The following SCFD2 variants were observed in gnomAD, a reference collection of about 807,000 sequenced individuals.
SCFD2 encodes the protein sec1 family domain-containing protein 2.
In SCFD2, 54 loss-of-function variants were observed where a neutral mutation model predicts 58.9. The observed-to-expected ratio is 0.92, with a 90% CI of 0.74 to 1.15. The LOEUF (loss-of-function observed/expected upper bound fraction) is 1.15, where lower values mean the gene tolerates loss of function less well. Among genes scored for constraint, SCFD2 ranks in the 50% most tolerant of loss-of-function variants. The pLI, the probability that SCFD2 is intolerant of heterozygous loss-of-function variation, is 0.00. For synonymous variants in SCFD2, 321 were observed against 335.9 expected (o/e 0.96, Z 0.49); for missense variants, 805 against 836.6 (o/e 0.96, Z 0.47).
intron 5 of SCFD2, among the ~76,000 whole-genome samples, chr4:52,990,723 T>C (rs1279233653): frequency 6.6e-6 from 1 of 152,120 alleles, no homozygotes; most frequent in Non-Finnish European, 1.5e-5. Flanking sequence ...ACTGTGTCTA[T>C]CTTGTTCATC....
intron 4 of SCFD2, among the ~76,000 whole-genome samples, chr4:53,151,718 A>G (rs929085815): frequency 6.6e-6 from 1 of 152,192 alleles, no homozygotes; most frequent in Non-Finnish European, 1.5e-5. Flanking sequence ...GTGTTAGTCC[A>G]TTTGTGTTGC....
chr4:53,069,547 T>G (rs545786323), intron 5 of SCFD2, among the ~76,000 whole-genome samples: 1 of 152,158 alleles, frequency 6.6e-6, no homozygotes, highest in Non-Finnish European at 1.5e-5. Context: ...TCGAGGTGGC[T>G]CTTTGATTTT....
chr4:53,285,744 T>TG (rs200744836), intron 3 of SCFD2, among the ~76,000 whole-genome samples: 1,897 of 152,038 alleles, frequency 0.012, 27 homozygotes, highest in South Asian at 0.072. Context: ...AGAACCAGAA[T>TG]GGACTTCTCC....
intron 4 of SCFD2, among the ~76,000 whole-genome samples, chr4:53,174,236 T>C (rs1199584496): frequency 6.6e-6 from 1 of 151,584 alleles, no homozygotes; most frequent in African/African-American, 2.4e-5. Context: ...AATTGCTAAA[T>C]TAAAAAAATG....
At chr4:52,897,006 T>A (rs1470043128) in intron 7 of SCFD2, among the ~76,000 whole-genome samples, 1 of 152,252 alleles carries the variant, frequency 6.6e-6, no homozygotes, top group Non-Finnish European at 1.5e-5. Context: ...ACATTGATTT[T>A]GTATCCTGAG....
At chr4:52,968,918 A>G (rs1334856483) in intron 5 of SCFD2, among the ~76,000 whole-genome samples, 1 of 152,204 alleles carries the variant, frequency 6.6e-6, no homozygotes, top group African/African-American at 2.4e-5. Flanking sequence ...TGCTAGGCCC[A>G]TATGTTCACT....
intron 5 of SCFD2, among the ~76,000 whole-genome samples, chr4:52,963,192 C>T (rs1310585828): frequency 6.6e-6 from 1 of 152,176 alleles, no homozygotes; most frequent in African/African-American, 2.4e-5. Context: ...AAAACTGTAT[C>T]TTCCCAAGTT....
chr4:52,921,281 T>C (rs1719728968), intron 5 of SCFD2, among the ~76,000 whole-genome samples: 1 of 152,092 alleles, frequency 6.6e-6, no homozygotes, highest in East Asian at 1.9e-4. Flanking sequence ...CACCAATAGT[T>C]TCCATAAAGC....
chr4:53,258,268 T>A (rs1730709383), intron 4 of SCFD2, among the ~76,000 whole-genome samples: 1 of 152,060 alleles, frequency 6.6e-6, no homozygotes, highest in Non-Finnish European at 1.5e-5. Context: ...TGTGTACCCA[T>A]CACCCAAGCA....
Position 53,130,432 on chromosome 4 carries a change from A to G in SCFD2, c.1561+14901T>C, listed in dbSNP as rs562942952. On this transcript the variant is annotated intron_variant, in intron 5 of 8. Coordinates refer to ENST00000401642, the MANE Select transcript of SCFD2 (RefSeq NM_152540.4). ...AGATATAAACCTGGTTCTTTAATGA[A>G]TGCTCTTATGGTAGACGTATCTAGT... Among the ~76,000 whole-genome samples, 12 of 152,346 alleles carry G rather than the reference A, an allele frequency of 7.9e-5. No homozygotes were observed. In the South Asian group the frequency reaches 2.5e-3, roughly 32 times the overall value.
chr4:53,131,877 T>C (rs1186023591), intron 5 of SCFD2, among the ~76,000 whole-genome samples: 5 of 152,238 alleles, frequency 3.3e-5, no homozygotes, highest in African/African-American at 7.2e-5. Context: ...TAATGTAGAG[T>C]TAACAAGAGT....
chr4:53,294,631 C>G (rs1008317408), intron 3 of SCFD2, among the ~76,000 whole-genome samples: 3 of 152,184 alleles, frequency 2.0e-5, no homozygotes, highest in African/African-American at 7.2e-5. Flanking sequence ...TGTGCAGAAG[C>G]TCTTTAGTCT....
intron 4 of SCFD2, among the ~76,000 whole-genome samples, chr4:53,228,494 T>C (rs986515871): frequency 4.6e-5 from 7 of 152,168 alleles, no homozygotes; most frequent in Non-Finnish European, 8.8e-5. Context: ...TTGATGAAGA[T>C]AAAATAGATA....
intron 4 of SCFD2, among the ~76,000 whole-genome samples, chr4:53,182,960 A>T (rs1180761050): frequency 6.6e-6 from 1 of 152,104 alleles, no homozygotes; most frequent in Non-Finnish European, 1.5e-5. Flanking sequence ...AGATACCATC[A>T]CACCCCAGTT....
chr4:53,174,043 A>T (rs1727257119), intron 4 of SCFD2, among the ~76,000 whole-genome samples: 1 of 152,186 alleles, frequency 6.6e-6, no homozygotes, highest in Admixed American at 6.5e-5. Flanking sequence ...TTAAAAAAGA[A>T]GAGTTTTTAA....
chr4:53,276,002 A>G (rs890617955), intron 3 of SCFD2, among the ~76,000 whole-genome samples: 15 of 151,860 alleles, frequency 9.9e-5, no homozygotes, highest in African/African-American at 3.6e-4. Flanking sequence ...CTTCACAAAC[A>G]TCTGTGTACA....
At chr4:52,951,680 T>G (rs1720596822) in intron 5 of SCFD2, among the ~76,000 whole-genome samples, 1 of 152,158 alleles carries the variant, frequency 6.6e-6, no homozygotes, top group African/African-American at 2.4e-5. Context: ...TCCAAAAGCT[T>G]ACACGAGACC....
chr4:53,068,974 TGTCATTGGAGTGG>T (rs1253530576), intron 5 of SCFD2, among the ~76,000 whole-genome samples: 1 of 151,952 alleles, frequency 6.6e-6, no homozygotes, highest in Non-Finnish European at 1.5e-5. Context: ...TATTACAATG[TGTCATTGGAGTGG>T]GTCATTTAGA....
In SCFD2 at chr4:53,217,052, T is replaced by A. The variant is rs544994742; in HGVS notation, c.1311+56774A>T. On this transcript the variant is annotated intron_variant, in intron 4 of 8. Transcript: ENST00000401642. ...CTGTTCTTTTACATTTGCTGAGGAGTGCTTTACTTCCAGCTATGTGGTCAA... is the reference window on the plus strand; with the variant it reads ...CTGTTCTTTTACATTTGCTGAGGAGAGCTTTACTTCCAGCTATGTGGTCAA... Among the ~76,000 whole-genome samples, 7 of 152,194 alleles carry A rather than the reference T, an allele frequency of 4.6e-5. No individual in the cohort carries two copies. The Middle Eastern group carries it at 0.01, about 222-fold the overall frequency.
Sources: allele counts gnomAD v4.1 joint callset (sites outside exome capture counted in the v4.1 genomes callset), GRCh38; gene constraint gnomAD v4.1.1; transcripts MANE v1.5; gene names NCBI Gene and HGNC (gene_info 2026-07-23, HGNC 2026-07-21).